The following DGKI variants were observed in gnomAD, a reference collection of about 807,000 sequenced individuals.
The protein encoded by DGKI is DAG kinase iota.
In DGKI, 55 loss-of-function variants were observed where a neutral mutation model predicts 147.5. That is an observed-to-expected ratio of 0.37 (90% confidence interval 0.30 to 0.47). The LOEUF (loss-of-function observed/expected upper bound fraction) is 0.47. DGKI is among the 20% of genes least tolerant of loss of function. The pLI, the probability that DGKI is intolerant of heterozygous loss-of-function variation, is 1.00. For missense variants in DGKI, 1,007 were observed against 1,323.8 expected, an observed-to-expected ratio of 0.76 and a Z score of 3.71; for synonymous variants, 469 against 477.1, an observed-to-expected ratio of 0.98 and a Z score of 0.22.
chr7:137,738,639 GT>G (rs1270085827), intron 1 of DGKI, among the ~76,000 whole-genome samples: 2 of 151,828 alleles, frequency 1.3e-5, no homozygotes, highest in Non-Finnish European at 2.9e-5. Context: ...CTCTTGTACA[GT>G]TTTGGGCTTG....
chr7:137,622,975 A>G (rs1820803592), intron 7 of DGKI, among the ~76,000 whole-genome samples: 1 of 152,240 alleles, frequency 6.6e-6, no homozygotes, highest in East Asian at 1.9e-4. Flanking sequence ...AAAAAAGCAT[A>G]CAAGAACCAC....
chr7:137,683,741 G>A (rs1227418994), intron 2 of DGKI, among the ~76,000 whole-genome samples: 3 of 152,096 alleles, frequency 2.0e-5, no homozygotes, highest in African/African-American at 4.8e-5. Context: ...AACAAAGATA[G>A]CACTTCTTCT....
chr7:137,660,237 A>T (rs2116282050), intron 3 of DGKI, among the ~76,000 whole-genome samples: 1 of 152,202 alleles, frequency 6.6e-6, no homozygotes, highest in African/African-American at 2.4e-5. Flanking sequence ...AGAGGGGGGA[A>T]CATATCCGTT....
intron 6 of DGKI, among the ~76,000 whole-genome samples, chr7:137,637,646 A>T (rs1482217354): frequency 6.6e-6 from 1 of 152,250 alleles, no homozygotes; most frequent in East Asian, 1.9e-4. Flanking sequence ...GAAAGCTCCA[A>T]TTATTAATCA....
chr7:137,479,904 GC>G (rs1815313812), intron 23 of DGKI, among the ~76,000 whole-genome samples: 1 of 151,920 alleles, frequency 6.6e-6, no homozygotes, highest in South Asian at 2.1e-4. Context: ...TCTAACTACA[GC>G]CCCAAATAGG....
intron 18 of DGKI, 24 bp from the exon 19 acceptor site, chr7:137,571,310 A>C (rs555573249): frequency 6.6e-7 from 1 of 1,519,336 alleles, no homozygotes; most frequent in Non-Finnish European, 9.1e-7. Context: ...TTAAAGACAG[A>C]AGTAAATATG....
At chr7:137,481,502 C>T (rs1815370382) in intron 23 of DGKI, among the ~76,000 whole-genome samples, 1 of 152,062 alleles carries the variant, frequency 6.6e-6, no homozygotes, top group African/African-American at 2.4e-5. Flanking sequence ...TACATCAATG[C>T]TATTAGGATG....
chr7:137,774,046 T>C (rs1796288827), intron 1 of DGKI, among the ~76,000 whole-genome samples: 1 of 152,234 alleles, frequency 6.6e-6, no homozygotes, highest in South Asian at 2.1e-4. Flanking sequence ...TAAGCAAGTC[T>C]GCCTCAATGA....
rs570188543 is a variant in DGKI at position 137,590,655 on chromosome 7, C to T, written c.1312-3445G>A. On this transcript the variant is annotated intron_variant, in intron 12 of 32. Coordinates refer to ENST00000614521, the MANE Select transcript of DGKI (RefSeq NM_001321708.2). ...ACAATTTCCAAATGACTCTGAAGTA[C>T]GTGACGTATCCCACAACTTCTATGA... Among the ~76,000 whole-genome samples, 6 of 152,254 alleles carry T rather than the reference C, an allele frequency of 3.9e-5. No individual in the cohort carries two copies. In the South Asian group the frequency reaches 6.2e-4, roughly 16 times the overall value.
At chr7:137,699,849 C>T (rs1275431562) in intron 1 of DGKI, among the ~76,000 whole-genome samples, 1 of 152,132 alleles carries the variant, frequency 6.6e-6, no homozygotes, top group East Asian at 1.9e-4. Context: ...CTGATGGTAT[C>T]GCTGACTAGA....
chr7:137,500,133 T>C (rs978048240), intron 21 of DGKI, among the ~76,000 whole-genome samples: 54 of 152,332 alleles, frequency 3.5e-4, no homozygotes, highest in African/African-American at 1.3e-3. Flanking sequence ...TGGAATTTAC[T>C]GGTGATATTA....
At chr7:137,624,218 G>A (rs532572641) in intron 6 of DGKI, among the ~76,000 whole-genome samples, 2 of 152,280 alleles carry the variant, frequency 1.3e-5, no homozygotes, top group Non-Finnish European at 2.9e-5. Flanking sequence ...GGTGATTTTC[G>A]GCTGCTGCTG....
At chr7:137,788,171 C>T (rs1796730324) in intron 1 of DGKI, among the ~76,000 whole-genome samples, 1 of 152,090 alleles carries the variant, frequency 6.6e-6, no homozygotes, top group African/African-American at 2.4e-5. Flanking sequence ...TCTTGAGGTT[C>T]CTGTTCCTCC....
In DGKI at chr7:137,656,455, C is replaced by G. The variant is rs192921393; in HGVS notation, c.681+11G>C. 23 of 1,613,514 alleles carry G rather than the reference C, an allele frequency of 1.4e-5. No individual in the cohort carries two copies. In the Middle Eastern group the frequency reaches 8.3e-4, roughly 58 times the overall value. On this transcript the variant is annotated intron_variant, in intron 4 of 32. Transcript: ENST00000614521. ...AATGTAACAAAACTGCAGCAGGGGG[C>G]GCGCTCTTACCTTTTCTAGCTGCTC... is the stretch of plus-strand genomic sequence containing the variant.
At chr7:137,505,136 G>C (rs1816322599) in intron 21 of DGKI, among the ~76,000 whole-genome samples, 2 of 109,946 alleles carry the variant, frequency 1.8e-5, no homozygotes, top group South Asian at 3.5e-4. Context: ...GGGGTGGGGG[G>C]ATGGGGGAGG....
chr7:137,685,604 A>G (rs73454853), intron 2 of DGKI, among the ~76,000 whole-genome samples: 5,229 of 152,276 alleles, frequency 0.034, 281 homozygotes, highest in African/African-American at 0.12. Flanking sequence ...GGAGATGAGA[A>G]TATTTTTTCC....
intron 1 of DGKI, among the ~76,000 whole-genome samples, chr7:137,758,258 C>T (rs557380088): frequency 1.3e-5 from 2 of 152,320 alleles, no homozygotes; most frequent in East Asian, 3.9e-4. Context: ...TGGGCTCATT[C>T]TGGGACTCAG....
intron 1 of DGKI, among the ~76,000 whole-genome samples, chr7:137,710,661 TA>T (rs1185973066): frequency 1.3e-4 from 20 of 152,170 alleles, no homozygotes; most frequent in Non-Finnish European, 2.9e-5. Flanking sequence ...AATACAAAAC[TA>T]TGTAAGTTTT....
intron 6 of DGKI, among the ~76,000 whole-genome samples, chr7:137,629,577 C>G (rs2129001155): frequency 6.6e-6 from 1 of 152,302 alleles, no homozygotes; most frequent in East Asian, 1.9e-4. Flanking sequence ...AGGTACAGAC[C>G]CACACCAACC....
Sources: gnomAD v4.1 joint callset for allele counts (sites outside exome capture counted in the v4.1 genomes callset) on GRCh38, gnomAD v4.1.1 for gene constraint, MANE v1.5 for transcripts, NCBI Gene and HGNC (gene_info 2026-07-23, HGNC 2026-07-21) for gene names.